NKAIN3: variants seen among roughly 807,000 people sequenced by gnomAD.
The protein encoded by NKAIN3 is sodium/potassium-transporting ATPase subunit beta-1-interacting protein 3.
A neutral mutation model predicts 30.2 loss-of-function variants in NKAIN3; 25 were observed. The observed-to-expected ratio is 0.83, with a 90% CI of 0.60 to 1.16. The LOEUF is 1.16. NKAIN3 is among the 50% of genes most tolerant of loss of function. The pLI is 0.00. For missense variants in NKAIN3, 225 were observed against 254.1 expected, an observed-to-expected ratio of 0.89 and a Z score of 0.78; for synonymous variants, 91 against 89.6, an observed-to-expected ratio of 1.02 and a Z score of -0.09.
In NKAIN3 at chr8:62,966,243, G is replaced by C. The variant is rs982852203; in HGVS notation, c.*836G>C. 1.0e-5 allele frequency: 10 copies of C among 984,984 alleles called. No homozygotes were observed. In the African/African-American group the frequency reaches 1.4e-4, roughly 14 times the overall value. 61.0% of individuals were successfully genotyped at this position (984,984 alleles called of 1,614,324 possible). Reference sequence around the variant, plus strand: ...CCTGCAGTCAGGAACTTTTCTCTTAGGATATTCAAAAGAAGCCTGAAAATG... The same window carrying C: ...CCTGCAGTCAGGAACTTTTCTCTTACGATATTCAAAAGAAGCCTGAAAATG... On this transcript the variant is annotated 3_prime_UTR_variant, in exon 7 of 7. Coordinates refer to ENST00000623646, the MANE Select transcript of NKAIN3 (RefSeq NM_001304533.3).
downstream of NKAIN3, among the ~76,000 whole-genome samples, chr8:62,988,794 C>A (rs372237049): frequency 6.6e-6 from 1 of 152,250 alleles, no homozygotes; most frequent in African/African-American, 2.4e-5. Flanking sequence ...ATTACTTATG[C>A]AAATTTCTGC....
At chr8:62,442,085 G>T (rs1805344401) in intron 1 of NKAIN3, among the ~76,000 whole-genome samples, 1 of 151,838 alleles carries the variant, frequency 6.6e-6, no homozygotes, top group Admixed American at 6.6e-5. Flanking sequence ...TTTGTAAATT[G>T]TTGAGATATA....
At chr8:62,564,666 T>C (rs530821552) in intron 1 of NKAIN3, among the ~76,000 whole-genome samples, 30 of 152,196 alleles carry the variant, frequency 2.0e-4, no homozygotes, top group African/African-American at 7.0e-4. Context: ...TATAATCAAA[T>C]ATAATAAAAT....
intron 3 of NKAIN3, among the ~76,000 whole-genome samples, chr8:62,693,364 C>A (rs1814044662): frequency 1.3e-5 from 2 of 152,176 alleles, no homozygotes; most frequent in Admixed American, 6.5e-5. Flanking sequence ...GAAAGACTGG[C>A]AAGAGCATGC....
chr8:62,894,218 G>A (rs4434615), intron 4 of NKAIN3, among the ~76,000 whole-genome samples: 117,428 of 152,076 alleles, frequency 0.77, 46,168 homozygotes, highest in East Asian at 0.93. Flanking sequence ...AGAAAATTAG[G>A]GTTGAGCTGA....
chr8:62,979,011 A>G lies in NKAIN3; in HGVS notation c.*13604A>G, dbSNP rs1308552037. 1 of 152,398 alleles carries G rather than the reference A, an allele frequency of 6.6e-6. No individual in the cohort carries two copies. Among genetic ancestry groups the G allele is most frequent in the Admixed American group, 6.6e-5 (1 of 15,214 alleles). 9.4% of individuals were successfully genotyped at this position (152,398 alleles called of 1,614,324 possible). On this transcript the variant is annotated 3_prime_UTR_variant, in exon 7 of 7. Transcript: ENST00000623646. ...CACTTCCCAGGTGAGGCAATGCCCC[A>G]CCCTGCTTCTGCTTGCCCTCCGTGG...
chr8:62,856,286 T>C (rs1376692638), intron 4 of NKAIN3: 4 of 934,502 alleles, frequency 4.3e-6, no homozygotes, highest in Non-Finnish European at 7.1e-6. Flanking sequence ...CTGGACCAGA[T>C]TATAAATGCC....
rs566729219 is a variant in NKAIN3 at position 62,860,285 on chromosome 8, A to G, written c.472-58168A>G. On this transcript the variant is annotated intron_variant, in intron 4 of 6. Coordinates refer to ENST00000623646, the MANE Select transcript of NKAIN3 (RefSeq NM_001304533.3). ...AAGGGCAGCATCTGAGCAGACCTAA[A>G]TGTAATCTCACCTCTGTCATTTTCC... is the stretch of plus-strand genomic sequence containing the variant. Among the ~76,000 whole-genome samples, 15 of 152,330 alleles carry G rather than the reference A, an allele frequency of 9.8e-5. No individual in the cohort carries two copies. In the South Asian group the frequency reaches 3.1e-3, roughly 32 times the overall value.
chr8:62,997,054 T>G (rs1039566212), intron 5 of NKAIN3, among the ~76,000 whole-genome samples: 1 of 152,210 alleles, frequency 6.6e-6, no homozygotes, highest in Non-Finnish European at 1.5e-5. Context: ...GAGGACTCTG[T>G]GTGGGGGCTC....
intron 1 of NKAIN3, among the ~76,000 whole-genome samples, chr8:62,270,183 G>A (rs902632054): frequency 2.6e-5 from 4 of 152,066 alleles, no homozygotes; most frequent in Non-Finnish European, 5.9e-5. Flanking sequence ...GGGCTCAAGT[G>A]ATCCTCCCAC....
chr8:62,903,522 C>A (rs1821673693), intron 4 of NKAIN3, among the ~76,000 whole-genome samples: 1 of 152,044 alleles, frequency 6.6e-6, no homozygotes, highest in South Asian at 2.1e-4. Context: ...GTGACAGTTG[C>A]ACTAAAAGGC....
chr8:62,499,594 G>A (rs1807352979), intron 1 of NKAIN3, among the ~76,000 whole-genome samples: 3 of 152,114 alleles, frequency 2.0e-5, no homozygotes, highest in Admixed American at 1.3e-4. Flanking sequence ...AAATAAAGAG[G>A]CAAAGGAAAC....
chr8:62,896,595 G>A (rs1222809016), intron 4 of NKAIN3, among the ~76,000 whole-genome samples: 2 of 152,146 alleles, frequency 1.3e-5, no homozygotes, highest in Admixed American at 1.3e-4. Flanking sequence ...AGACCATGCT[G>A]CTAATGTCAA....
chr8:62,387,363 A>G (rs1000164379), intron 1 of NKAIN3, among the ~76,000 whole-genome samples: 1 of 149,154 alleles, frequency 6.7e-6, no homozygotes, highest in Admixed American at 6.7e-5. Flanking sequence ...AAAAAAAAAA[A>G]TACATGGTAG....
At chr8:62,425,094 C>T (rs1266414898) in intron 1 of NKAIN3, among the ~76,000 whole-genome samples, 2 of 151,710 alleles carry the variant, frequency 1.3e-5, no homozygotes, top group Admixed American at 6.6e-5. Flanking sequence ...GTCATAAAAA[C>T]AGAGAGTAGA....
chr8:62,887,235 T>G (rs1471560848), intron 4 of NKAIN3, among the ~76,000 whole-genome samples: 2 of 152,190 alleles, frequency 1.3e-5, no homozygotes, highest in African/African-American at 4.8e-5. Context: ...AGTGTTGTGT[T>G]TTTTTTCTGC....
At chr8:62,524,088 T>C (rs1456992759) in intron 1 of NKAIN3, among the ~76,000 whole-genome samples, 3 of 152,054 alleles carry the variant, frequency 2.0e-5, no homozygotes, top group Non-Finnish European at 4.4e-5. Flanking sequence ...AATGTAGAGC[T>C]GAAGACAAGA....
chr8:62,547,457 G>A (rs926678005), intron 1 of NKAIN3, among the ~76,000 whole-genome samples: 1 of 152,182 alleles, frequency 6.6e-6, no homozygotes, highest in African/African-American at 2.4e-5. Flanking sequence ...TAAGTTGACT[G>A]TCAGGGGCTA....
At chr8:62,823,338 T>A (rs926126963) in intron 4 of NKAIN3, among the ~76,000 whole-genome samples, 9 of 152,316 alleles carry the variant, frequency 5.9e-5, no homozygotes, top group Middle Eastern at 6.8e-3. Flanking sequence ...GATGACTATA[T>A]ACAAAAGCAA....
Sources: allele counts gnomAD v4.1 joint callset (sites outside exome capture counted in the v4.1 genomes callset), GRCh38; gene constraint gnomAD v4.1.1; transcripts MANE v1.5; gene names NCBI Gene and HGNC (gene_info 2026-07-23, HGNC 2026-07-21).